The following UVRAG variants were observed in gnomAD, a reference collection of about 807,000 sequenced individuals.
UVRAG encodes UV radiation resistance-associated gene protein.
Under a neutral mutation model 78.0 loss-of-function variants are expected in UVRAG, and 19 were observed. The ratio of observed to expected loss-of-function variants is 0.24; its 90% confidence interval spans 0.17 to 0.36. The LOEUF is 0.36. Ranked by LOEUF, UVRAG falls within the 10% of genes least tolerant of loss-of-function variation. The pLI is 1.00. For synonymous variants in UVRAG, 323 were observed against 324.6 expected (o/e 1.00, Z 0.05); for missense variants, 740 against 853.8 (o/e 0.87, Z 1.66).
chr11:76,040,317 C>G (rs1420908217), intron 12 of UVRAG, among the ~76,000 whole-genome samples: 1 of 151,136 alleles, frequency 6.6e-6, no homozygotes, highest in Non-Finnish European at 1.5e-5. Flanking sequence ...ACTAAAAATA[C>G]AAAAAATTAG....
chr11:75,953,423 A>C (rs1948741154), intron 6 of UVRAG, among the ~76,000 whole-genome samples: 1 of 152,204 alleles, frequency 6.6e-6, no homozygotes, highest in African/African-American at 2.4e-5. Flanking sequence ...AAAACCATTA[A>C]TTATAAGGTA....
intron 13 of UVRAG, among the ~76,000 whole-genome samples, chr11:76,113,003 C>T (rs1952106851): frequency 6.6e-6 from 1 of 152,128 alleles, no homozygotes; most frequent in African/African-American, 2.4e-5. Flanking sequence ...TGAGCCACCA[C>T]ACCTGGCCAG....
chr11:75,897,956 G>A (rs11824959), intron 5 of UVRAG, among the ~76,000 whole-genome samples: 7 of 138,268 alleles, frequency 5.1e-5, no homozygotes, highest in African/African-American at 1.9e-4. Context: ...TGCAAGCTCC[G>A]CCTCCTGGGT....
rs11302810 is a variant in UVRAG, at chr11:75,960,202, G to GTT, written c.594-1230_594-1229dup. On this transcript the variant is annotated intron_variant, in intron 6 of 14. Coordinates refer to ENST00000356136, the MANE Select transcript of UVRAG (RefSeq NM_003369.4). ...CAGGGTTGCCACAAACCTTCAATTTGTTTTTTTTTTTTTGTTTCTTTTTTT... is the reference window on the plus strand; with the variant it reads ...CAGGGTTGCCACAAACCTTCAATTTGTTTTTTTTTTTTTTTGTTTCTTTTTTT... Among the ~76,000 whole-genome samples the GTT allele has an allele frequency of 7.9e-5, 11 of 138,746 alleles. No homozygotes were observed. The East Asian group carries it at 1.3e-3, about 16-fold the overall frequency. 91.0% of individuals were successfully genotyped at this position (138,746 alleles called of 152,430 possible).
chr11:75,866,144 T>G (rs1412811163), intron 3 of UVRAG, among the ~76,000 whole-genome samples: 1 of 151,752 alleles, frequency 6.6e-6, no homozygotes, highest in Non-Finnish European at 1.5e-5. Context: ...ATTGCTTAAG[T>G]CTCAGAGGCG....
chr11:75,847,499 T>C (rs967458234), intron 1 of UVRAG, among the ~76,000 whole-genome samples: 2 of 152,178 alleles, frequency 1.3e-5, no homozygotes, highest in Non-Finnish European at 2.9e-5. Flanking sequence ...CTTGAACTCC[T>C]GGGCTCAAGT....
intron 6 of UVRAG, among the ~76,000 whole-genome samples, chr11:75,923,138 A>G (rs1948016330): frequency 6.6e-6 from 1 of 151,252 alleles, no homozygotes; most frequent in Admixed American, 6.6e-5. Flanking sequence ...AAAGGAAAAT[A>G]TTTTAAATAA....
chr11:75,961,590 C>G (rs762098021), intron 7 of UVRAG, 41 bp downstream of exon 7: 24 of 1,469,236 alleles, frequency 1.6e-5, no homozygotes, highest in Non-Finnish European at 2.2e-5. Context: ...TTCTTGTTTT[C>G]TAAAGGAGAG....
intron 12 of UVRAG, among the ~76,000 whole-genome samples, chr11:76,027,367 T>C (rs1950346807): frequency 6.6e-6 from 1 of 152,162 alleles, no homozygotes; most frequent in Non-Finnish European, 1.5e-5. Flanking sequence ...TGTTAATTAT[T>C]CAAATCACAC....
chr11:75,925,282 A>G (rs556944828), intron 6 of UVRAG, among the ~76,000 whole-genome samples: 23 of 152,298 alleles, frequency 1.5e-4, no homozygotes, highest in African/African-American at 5.3e-4. Flanking sequence ...TACCCCACCC[A>G]TAACTTGATT....
At chr11:75,943,171 G>A (rs1948520390) in intron 6 of UVRAG, among the ~76,000 whole-genome samples, 1 of 151,984 alleles carries the variant, frequency 6.6e-6, no homozygotes, top group Non-Finnish European at 1.5e-5. Context: ...AATCATCATG[G>A]CCTACACCCT....
At chr11:76,112,066 T>A (rs1364543664) in intron 13 of UVRAG, among the ~76,000 whole-genome samples, 1 of 151,800 alleles carries the variant, frequency 6.6e-6, no homozygotes, top group South Asian at 2.1e-4. Context: ...ATTGAAAGGA[T>A]GTACTAAGTG....
chr11:75,825,401 C>A (rs1945490661), intron 1 of UVRAG, among the ~76,000 whole-genome samples: 1 of 152,204 alleles, frequency 6.6e-6, no homozygotes, highest in Non-Finnish European at 1.5e-5. Flanking sequence ...GCATGAGCCA[C>A]TGTGCCTGGC....
chr11:75,868,548 T>C (rs575090419), intron 3 of UVRAG, among the ~76,000 whole-genome samples: 2 of 152,178 alleles, frequency 1.3e-5, no homozygotes, highest in Non-Finnish European at 1.5e-5. Context: ...ATCCATGATA[T>C]ATTTAGCATA....
rs1945230943 is a variant in UVRAG at position 75,815,241 on chromosome 11, C to G, written c.-167C>G. ...ATGGCTCTTCCTTAGCCAGCGGCGG[C>G]AACGGCGGCAGCGGCGGCAGCGGCG... is the stretch of plus-strand genomic sequence containing the variant. On this transcript the variant is annotated 5_prime_UTR_variant, in exon 1 of 15. Transcript: ENST00000356136. 4.4e-6 allele frequency: 2 copies of G among 452,130 alleles called. No individual in the cohort carries two copies. The highest frequency in any genetic ancestry group is 7.7e-6 in the Non-Finnish European group (2 of 261,192). 28.0% of individuals were successfully genotyped at this position (452,130 alleles called of 1,614,324 possible).
chr11:75,893,968 A>T (rs910267229), intron 5 of UVRAG, among the ~76,000 whole-genome samples: 4 of 152,172 alleles, frequency 2.6e-5, no homozygotes, highest in African/African-American at 9.7e-5. Flanking sequence ...ATGCATAAAG[A>T]TTGAGAGTTT....
chr11:76,009,580 T>C (rs948292419), intron 11 of UVRAG, among the ~76,000 whole-genome samples: 64 of 152,220 alleles, frequency 4.2e-4, no homozygotes, highest in African/African-American at 1.5e-3. Flanking sequence ...CAGCGTTTTA[T>C]CTACTTGAGA....
At chr11:75,935,310 G>C (rs1018181562) in intron 6 of UVRAG, among the ~76,000 whole-genome samples, 2 of 152,206 alleles carry the variant, frequency 1.3e-5, no homozygotes, top group African/African-American at 4.8e-5. Flanking sequence ...TCCAAGGTCA[G>C]TGGAATTGTA....
chr11:75,960,537 C>T (rs144278102), intron 6 of UVRAG, among the ~76,000 whole-genome samples: 3 of 152,124 alleles, frequency 2.0e-5, no homozygotes, highest in Non-Finnish European at 2.9e-5. Context: ...GAGGCCGAGG[C>T]GGGCACATTG....
Sources: gnomAD v4.1 joint callset for allele counts (sites outside exome capture counted in the v4.1 genomes callset) on GRCh38, gnomAD v4.1.1 for gene constraint, MANE v1.5 for transcripts, NCBI Gene and HGNC (gene_info 2026-07-23, HGNC 2026-07-21) for gene names.